Variants in CNTNAP4 observed in about 807,000 individuals in gnomAD.
CNTNAP4 encodes contactin-associated protein-like 4.
CNTNAP4 carries 98 observed loss-of-function variants against 148.4 expected under a neutral mutation model. That is an observed-to-expected ratio of 0.66 (90% CI 0.56 to 0.78). The LOEUF (loss-of-function observed/expected upper bound fraction) is 0.78. Among genes scored for constraint, CNTNAP4 ranks in the 30% least tolerant of loss-of-function variants. The pLI is 0.00. For missense variants in CNTNAP4, 1,935 were observed against 1,565.6 expected, an observed-to-expected ratio of 1.24 and a Z score of -3.98; for synonymous variants, 730 against 565.1, an observed-to-expected ratio of 1.29 and a Z score of -4.14.
At chr16:76,476,294 G>A (rs9934630) in intron 11 of CNTNAP4, among the ~76,000 whole-genome samples, 5,678 of 152,266 alleles carry the variant, frequency 0.037, 261 homozygotes, top group African/African-American at 0.1. Context: ...AATGCAGAAC[G>A]TGAATTTTGT....
chr16:76,407,763 T>G (rs1206112653), intron 3 of CNTNAP4, among the ~76,000 whole-genome samples: 3 of 152,116 alleles, frequency 2.0e-5, no homozygotes, highest in African/African-American at 7.2e-5. Context: ...AACAAAGGAT[T>G]TAGAATATTA....
At chr16:76,487,138 T>C (rs540784672) in intron 12 of CNTNAP4, among the ~76,000 whole-genome samples, 3 of 152,232 alleles carry the variant, frequency 2.0e-5, no homozygotes, top group Non-Finnish European at 4.4e-5. Flanking sequence ...CTATTAGTTA[T>C]CTACAATGTA....
chr16:76,400,663 T>C (rs906730657), intron 3 of CNTNAP4, among the ~76,000 whole-genome samples: 12 of 152,068 alleles, frequency 7.9e-5, no homozygotes, highest in African/African-American at 2.7e-4. Flanking sequence ...AGGGCTTTTT[T>C]AGTTTTGGAT....
chr16:76,498,042 A>G (rs921287503), intron 14 of CNTNAP4, among the ~76,000 whole-genome samples: 10 of 152,188 alleles, frequency 6.6e-5, no homozygotes, highest in African/African-American at 2.4e-4. Flanking sequence ...TATTTTTAAC[A>G]TATGCTATAT....
At chr16:76,321,458 T>C (rs1433943921) in intron 2 of CNTNAP4, among the ~76,000 whole-genome samples, 1 of 152,164 alleles carries the variant, frequency 6.6e-6, no homozygotes, top group Non-Finnish European at 1.5e-5. Flanking sequence ...TTTTTATGAG[T>C]TGGATATTTC....
At chr16:76,452,883 C>G (rs997627038) in intron 8 of CNTNAP4, 114 bp downstream of exon 8, 3 of 980,312 alleles carry the variant, frequency 3.1e-6, no homozygotes, top group Non-Finnish European at 4.3e-6. Context: ...AATGAATACT[C>G]AGGTTAATAA....
At chr16:76,437,938 TAA>T (rs1230636718) in intron 4 of CNTNAP4, among the ~76,000 whole-genome samples, 4 of 152,134 alleles carry the variant, frequency 2.6e-5, no homozygotes, top group African/African-American at 4.8e-5. Context: ...CATAAAATTA[TAA>T]GTGTTAAATA....
At chr16:76,434,017 ATATGTG>A (rs1426191536) in intron 4 of CNTNAP4, among the ~76,000 whole-genome samples, 1 of 151,114 alleles carries the variant, frequency 6.6e-6, no homozygotes, top group African/African-American at 2.4e-5. Context: ...ACTAATATAT[ATATGTG>A]TGTGTGTGTT....
intron 18 of CNTNAP4, among the ~76,000 whole-genome samples, chr16:76,537,665 C>G (rs1247127318): frequency 6.6e-6 from 1 of 152,054 alleles, no homozygotes; most frequent in Non-Finnish European, 1.5e-5. Flanking sequence ...AAATTTCTGC[C>G]TCTTGATCCT....
intron 2 of CNTNAP4, among the ~76,000 whole-genome samples, chr16:76,328,897 A>T (rs1169003040): frequency 2.0e-5 from 3 of 152,178 alleles, no homozygotes; most frequent in African/African-American, 7.2e-5. Flanking sequence ...CACCTGCCTC[A>T]GCCGCCCAAA....
chr16:76,417,510 T>C (rs1412020512), intron 3 of CNTNAP4, among the ~76,000 whole-genome samples: 2 of 151,592 alleles, frequency 1.3e-5, no homozygotes, highest in African/African-American at 2.4e-5. Flanking sequence ...ACAACATTCA[T>C]TTGTAATTTA....
Position 76,462,047 on chromosome 16 carries a change from T to C in CNTNAP4, c.1425T>C (p.Ser475=), listed in dbSNP as rs2080990499. 6.2e-7 allele frequency: 1 copy of C among 1,613,772 alleles called. No homozygotes were observed. The highest frequency in any genetic ancestry group is 1.3e-5 in the African/African-American group (1 of 74,918). ...TGGCGGTGGACGGCCAGATGGCTTC[T>C]GCTGCTCCTCTGCTGGGGCCTGAGC... ...LSVAVDGQMA[S]AAPLLGPEQI... The change falls in exon 9 of 24, where the codon TCT becomes TCC. Residue 475 remains serine, a synonymous_variant. Transcript: ENST00000611870.
chr16:76,431,672 C>G (rs1220991826), intron 4 of CNTNAP4, among the ~76,000 whole-genome samples: 1 of 151,900 alleles, frequency 6.6e-6, no homozygotes, highest in Non-Finnish European at 1.5e-5. Flanking sequence ...GAGTGAGACT[C>G]TGTCTCAAAA....
chr16:76,452,457 AATGTG>A (rs1450073705), intron 7 of CNTNAP4, 46 bp from the exon 8 acceptor site: 1 of 1,576,722 alleles, frequency 6.3e-7, no homozygotes, highest in South Asian at 1.1e-5. Context: ...TTCTGTTACT[AATGTG>A]ATGTGAATAA....
intron 2 of CNTNAP4, among the ~76,000 whole-genome samples, chr16:76,335,126 A>G (rs1963906283): frequency 6.6e-6 from 1 of 152,068 alleles, no homozygotes; most frequent in Non-Finnish European, 1.5e-5. Flanking sequence ...GGTTATTTTC[A>G]TTGTAATGTG....
At chr16:76,529,178 C>G (rs1376814765) in intron 17 of CNTNAP4, among the ~76,000 whole-genome samples, 1 of 152,134 alleles carries the variant, frequency 6.6e-6, no homozygotes, top group Non-Finnish European at 1.5e-5. Context: ...GCCTGTCTTT[C>G]TCCATTTTTG....
chr16:76,511,767 G>T (rs1314332835), intron 15 of CNTNAP4, among the ~76,000 whole-genome samples: 1 of 150,822 alleles, frequency 6.6e-6, no homozygotes, highest in African/African-American at 2.4e-5. Context: ...CTTTCCACTT[G>T]TGGGAAAGAG....
chr16:76,467,696 A>ATATT (rs1254121254), intron 10 of CNTNAP4, among the ~76,000 whole-genome samples, 173 bp downstream of exon 10: 5 of 152,210 alleles, frequency 3.3e-5, no homozygotes, highest in Non-Finnish European at 7.3e-5. Flanking sequence ...TTTAAATGTC[A>ATATT]TATTTTAAAT....
rs775104563 is a variant in CNTNAP4, at chr16:76,452,643, A to G, written c.1207A>G (p.Lys403Glu). The G allele has an allele frequency of 1.2e-6, 2 of 1,613,986 alleles. No individual in the cohort carries two copies. The highest frequency in any genetic ancestry group is 8.5e-7 in the Non-Finnish European group (1 of 1,179,888). Residue 403 changes from lysine to glutamate, a missense_variant, in exon 8 of 24, where the codon AAG becomes GAG. Physicochemically the swap from Lys to Glu is moderately conservative, Grantham distance 56 (BLOSUM62 1). Coordinates refer to ENST00000611870, the MANE Select transcript of CNTNAP4 (RefSeq NM_033401.5). ...SATFQFRTWN[K>E]AGLLLFSELQ... ...CACTTTTCAATTTCGAACTTGGAAT[A>G]AGGCAGGGCTTCTGCTGTTCAGTGA...
Sources: gnomAD v4.1 joint callset for allele counts (sites outside exome capture counted in the v4.1 genomes callset) on GRCh38, gnomAD v4.1.1 for gene constraint, MANE v1.5 for transcripts, NCBI Gene and HGNC (gene_info 2026-07-23, HGNC 2026-07-21) for gene names.